TNFSF14: variants seen among roughly 807,000 people sequenced by gnomAD.
TNFSF14 encodes tumor necrosis factor ligand superfamily member 14.
A neutral mutation model predicts 22.7 loss-of-function variants in TNFSF14; 15 were observed. That is an observed-to-expected ratio of 0.66 (90% CI 0.44 to 1.02). TNFSF14 has a LOEUF of 1.02. Among genes scored for constraint, TNFSF14 ranks in the 50% least tolerant of loss-of-function variants. The pLI, the probability that TNFSF14 is intolerant of heterozygous loss-of-function variation, is 0.00. For missense variants in TNFSF14, 287 were observed against 326.2 expected, an observed-to-expected ratio of 0.88 and a Z score of 0.93; for synonymous variants, 133 against 139.6, an observed-to-expected ratio of 0.95 and a Z score of 0.33.
In TNFSF14 at chr19:6,662,479, T is replaced by A. The variant is rs1365604033; in HGVS notation, c.*2447A>T. ...ATAGCTGGTGAGTGGCAGAGTGGAC[T>A]CAGAACCCAGGATCATCTGATTGCA... On this transcript the variant is annotated 3_prime_UTR_variant, in exon 4 of 4. Coordinates refer to ENST00000675206, the MANE Select transcript of TNFSF14 (RefSeq NM_001376887.1). 1 of 152,328 alleles carries A rather than the reference T, an allele frequency of 6.6e-6. No homozygotes were observed. Among genetic ancestry groups the A allele is most frequent in the East Asian group, 1.9e-4 (1 of 5,200 alleles). 9.4% of individuals were successfully genotyped at this position (152,328 alleles called of 1,614,324 possible).
In TNFSF14 at chr19:6,667,154, T is replaced by G. The variant is rs769630222; in HGVS notation, c.257A>C (p.Glu86Ala). The G allele has an allele frequency of 1.2e-5, 19 of 1,588,772 alleles. No homozygotes were observed. In the African/African-American group the frequency reaches 2.5e-4, roughly 21 times the overall value. ...PAGSWEQLIQ[E>A]RRSHEVNPAA... The stretch of plus-strand genomic sequence containing the variant: ...TGGGTTGACCTCGTGAGACCTTCGC[T>G]CTGGGGAAAGAGGGTCAGAGGTTAG... Residue 86 changes from glutamate (E) to alanine (A), a missense_variant and splice_region_variant, in exon 3 of 4, where the codon GAG (glutamate) becomes GCG (alanine). Physicochemically the swap from Glu to Ala is moderately radical, Grantham distance 107 (BLOSUM62 -1). Coordinates refer to ENST00000675206, the MANE Select transcript of TNFSF14 (RefSeq NM_001376887.1).
At chr19:6,666,505 A>C (rs1317548429) in intron 3 of TNFSF14, among the ~76,000 whole-genome samples, 1 of 152,170 alleles carries the variant, frequency 6.6e-6, no homozygotes, top group Non-Finnish European at 1.5e-5. Flanking sequence ...TAAAATGCGC[A>C]TATTAATAGC....
chr19:6,667,003 T>G, intron 3 of TNFSF14, 110 bp downstream of exon 3: 2 of 1,195,882 alleles, frequency 1.7e-6, no homozygotes, highest in Non-Finnish European at 2.4e-6. Context: ...AGCAACTCTG[T>G]GAGTAAATAA....
At chr19:6,665,609 A>G (rs1370831143) in intron 3 of TNFSF14, among the ~76,000 whole-genome samples, 1 of 152,000 alleles carries the variant, frequency 6.6e-6, no homozygotes, top group Admixed American at 6.6e-5. Flanking sequence ...GGGTTTTGCC[A>G]TGTTGCTGAG....
intron 1 of TNFSF14, among the ~76,000 whole-genome samples, chr19:6,668,807 A>G (rs905870866): frequency 2.0e-5 from 3 of 152,282 alleles, no homozygotes; most frequent in Admixed American, 6.5e-5. Flanking sequence ...CATCATCATG[A>G]CGCTGAGAAG....
chr19:6,667,918 G>A (rs928783254), intron 1 of TNFSF14, among the ~76,000 whole-genome samples: 1 of 152,102 alleles, frequency 6.6e-6, no homozygotes, highest in Non-Finnish European at 1.5e-5. Flanking sequence ...GTGGGTGCCT[G>A]TAATCCCAGC....
At chr19:6,669,443 A>G (rs370756494) in intron 1 of TNFSF14, among the ~76,000 whole-genome samples, 30 of 152,196 alleles carry the variant, frequency 2.0e-4, no homozygotes, top group African/African-American at 7.2e-4. Context: ...AGATCATGCC[A>G]TTGCACTCCA....
intron 1 of TNFSF14, 96 bp from the exon 2 acceptor site, chr19:6,667,545 A>G (rs990377655): frequency 2.1e-5 from 29 of 1,350,310 alleles, no homozygotes; most frequent in Non-Finnish European, 2.8e-5. Context: ...GACCATAGCC[A>G]CCGACACCAC....
intron 1 of TNFSF14, among the ~76,000 whole-genome samples, chr19:6,668,415 C>T (rs764863822): frequency 3.3e-5 from 5 of 150,098 alleles, no homozygotes; most frequent in Non-Finnish European, 7.4e-5. Context: ...TTTAAAAATA[C>T]AGGGACAAGG....
chr19:6,669,752 A>G (rs1276738942), intron 1 of TNFSF14, 99 bp downstream of exon 1: 3 of 1,507,672 alleles, frequency 2.0e-6, no homozygotes, highest in South Asian at 1.2e-5. Flanking sequence ...ACACACACAC[A>G]CACACACACA....
intron 3 of TNFSF14, 27 bp from the exon 4 acceptor site, chr19:6,665,377 G>C: frequency 1.3e-6 from 2 of 1,510,786 alleles, no homozygotes. Context: ...GACAAAGGGG[G>C]CTGCCGGTCA....
At position 6,664,689 on chromosome 19, in the gene TNFSF14, A is replaced by T. The variant is rs988226373; in HGVS notation, c.*237T>A. ...CTGAGTAGCTGGATTACAGGCAGGC[A>T]CCACCACGTCCGGCTAATTTTTGTA... On this transcript the variant is annotated 3_prime_UTR_variant, in exon 4 of 4. Transcript: ENST00000675206. This position sits in a 1 kb window ranked among gnomAD's most constrained non-coding sequence, Gnocchi z 4.7. The T allele has an allele frequency of 1.3e-5, 5 of 385,168 alleles. No homozygotes were observed. The highest frequency in any genetic ancestry group is 2.4e-5 in the Non-Finnish European group (5 of 212,114). The allele number at this position is 385,168 out of a possible 1,614,324, so 23.9% of individuals were successfully genotyped here. A position where few individuals can be genotyped will look rare whatever the true frequency, so the allele number is the denominator to read the frequency against.
chr19:6,669,011 C>A (rs1917512271), intron 1 of TNFSF14, among the ~76,000 whole-genome samples: 1 of 152,222 alleles, frequency 6.6e-6, no homozygotes, highest in African/African-American at 2.4e-5. Flanking sequence ...GCCACCGGAT[C>A]CAGACCCAGG....
chr19:6,667,162 AAG>A lies in TNFSF14; in HGVS notation c.257-10_257-9del. 1 of 1,588,014 alleles carries A rather than the reference AAG, an allele frequency of 6.3e-7. No homozygotes were observed. The highest frequency in any genetic ancestry group is 2.3e-5 in the East Asian group (1 of 42,766). On this transcript the variant is annotated splice_polypyrimidine_tract_variant and intron_variant, in intron 2 of 3. Coordinates refer to ENST00000675206, the MANE Select transcript of TNFSF14 (RefSeq NM_001376887.1). ...CCTCGTGAGACCTTCGCTCTGGGGA[AAG>A]AGGGTCAGAGGTTAGAGACGAAGAC... is the stretch of plus-strand genomic sequence containing the variant.
rs1032683197 is a variant in TNFSF14 at position 6,661,798 on chromosome 19, A to C, written c.*3128T>G. 1 of 152,196 alleles carries C rather than the reference A, an allele frequency of 6.6e-6. No homozygotes were observed. Among genetic ancestry groups the C allele is most frequent in the Non-Finnish European group, 1.5e-5 (1 of 68,030 alleles). The allele number at this position is 152,196 out of a possible 1,614,324, so 9.4% of individuals were successfully genotyped here. On this transcript the variant is annotated 3_prime_UTR_variant, in exon 4 of 4. Transcript: ENST00000675206. ...CCTGACTCTGAATTTATATACTACT[A>C]ACCAGCAATCATTTTCCTCCACCTA...
At chr19:6,670,326 A>C (rs1449847729), upstream of TNFSF14, 1 of 1,304,066 alleles carries the variant, frequency 7.7e-7, no homozygotes, top group African/African-American at 1.5e-5. Context: ...AATGTGACTC[A>C]GGTGGCAAGT....
At position 6,662,709 on chromosome 19, in the gene TNFSF14, T is replaced by C. The variant is rs1917276951; in HGVS notation, c.*2217A>G. 6.6e-6 allele frequency: 1 copy of C among 152,274 alleles called. No homozygotes were observed. Among genetic ancestry groups the C allele is most frequent in the Non-Finnish European group, 1.5e-5 (1 of 68,050 alleles). 9.4% of individuals were successfully genotyped at this position (152,274 alleles called of 1,614,324 possible). On this transcript the variant is annotated 3_prime_UTR_variant, in exon 4 of 4. Coordinates refer to ENST00000675206, the MANE Select transcript of TNFSF14 (RefSeq NM_001376887.1). Reference sequence around the variant, plus strand: ...CAGCCACACTGCAGCAATGCTCATTTGCATAGACCCTCTAATTTGTATGCA... The same window carrying C: ...CAGCCACACTGCAGCAATGCTCATTCGCATAGACCCTCTAATTTGTATGCA...
At chr19:6,668,511 G>A (rs1262510452) in intron 1 of TNFSF14, among the ~76,000 whole-genome samples, 2 of 152,092 alleles carry the variant, frequency 1.3e-5, no homozygotes, top group Non-Finnish European at 2.9e-5. Flanking sequence ...TTCGAGACAA[G>A]TCTGGCCAAC....
chr19:6,669,881 C>G lies in TNFSF14; in HGVS notation c.189G>C (p.Trp63Cys). The part of the protein sequence containing the change: ...VQGWFLLQLH[W>C]RLGEMVTRLP... ...GGCGGGTGACCATCTCTCCTAGACG[C>G]CAGTGCAGCTGCAGGAGGAACCAGC... Residue 63 changes from tryptophan (W) to cysteine (C), a missense_variant, in exon 1 of 4, where the codon TGG (tryptophan) becomes TGC (cysteine). By Grantham distance (215) the Trp-to-Cys change is radical. Coordinates refer to ENST00000675206, the MANE Select transcript of TNFSF14 (RefSeq NM_001376887.1). 1 of 1,613,410 alleles carries G rather than the reference C, an allele frequency of 6.2e-7. No homozygotes were observed. The highest frequency in any genetic ancestry group is 8.5e-7 in the Non-Finnish European group (1 of 1,179,976).
Sources: allele counts gnomAD v4.1 joint callset (sites outside exome capture counted in the v4.1 genomes callset), GRCh38; gene constraint gnomAD v4.1.1; non-coding constraint Gnocchi (gnomAD v3.1); transcripts MANE v1.5; gene names NCBI Gene and HGNC (gene_info 2026-07-23, HGNC 2026-07-21).